PCDHGB4: variants seen among roughly 807,000 people sequenced by gnomAD.
The protein encoded by PCDHGB4 is protocadherin gamma subfamily B, 4, also known as protocadherin gamma-B4.
Under a neutral mutation model 60.5 loss-of-function variants are expected in PCDHGB4, and 38 were observed. The observed-to-expected ratio is 0.63, with a 90% CI of 0.48 to 0.82. The LOEUF (loss-of-function observed/expected upper bound fraction) is 0.82, where lower values mean the gene tolerates loss of function less well. Among genes scored for constraint, PCDHGB4 ranks in the 40% least tolerant of loss-of-function variants. The probability of loss-of-function intolerance (pLI) is 0.00; values close to 1 mark genes in which losing one functional copy is unlikely to be tolerated. For synonymous variants in PCDHGB4, 456 were observed against 509.7 expected, an observed-to-expected ratio of 0.89 and a Z score of 1.42; for missense variants, 1,109 against 1,209.6, an observed-to-expected ratio of 0.92 and a Z score of 1.23.
At position 141,476,499 on chromosome 5, in the gene PCDHGB4, T is replaced by A. The variant is rs763373223; in HGVS notation, c.2398-18308T>A. On this transcript the variant is annotated intron_variant, in intron 1 of 3. Coordinates refer to ENST00000519479, the MANE Select transcript of PCDHGB4 (RefSeq NM_003736.4). This position sits in a 1 kb window ranked among gnomAD's most constrained non-coding sequence, Gnocchi z 7.6. Reference sequence around the variant, plus strand: ...AGCGTGGAAGTGGTGATCCAGGACATCAACGACAACAATCCTGCTTTCCCT... The same window carrying A: ...AGCGTGGAAGTGGTGATCCAGGACAACAACGACAACAATCCTGCTTTCCCT... 3.1e-6 allele frequency: 5 copies of A among 1,613,992 alleles called. No individual in the cohort carries two copies. The South Asian group carries it at 5.5e-5, about 18-fold the overall frequency.
intron 1 of PCDHGB4, chr5:141,423,068 A>T: frequency 6.2e-7 from 1 of 1,614,090 alleles, no homozygotes; most frequent in Non-Finnish European, 8.5e-7. Context: ...AAGGCCAGCG[A>T]GCCGGGACTC....
At chr5:141,508,732 C>A (rs1037039751) in intron 3 of PCDHGB4, among the ~76,000 whole-genome samples, 3 of 151,880 alleles carry the variant, frequency 2.0e-5, no homozygotes, top group Non-Finnish European at 4.4e-5. Flanking sequence ...GGAGACTACA[C>A]CCCCCACCCC....
intron 1 of PCDHGB4, among the ~76,000 whole-genome samples, chr5:141,488,463 C>T (rs926068842): frequency 6.6e-6 from 1 of 152,164 alleles, no homozygotes; most frequent in African/African-American, 2.4e-5. Flanking sequence ...GATTCAGCCC[C>T]AGAAATGTTC....
intron 1 of PCDHGB4, chr5:141,424,527 A>G (rs1164206187): frequency 1.3e-5 from 2 of 152,214 alleles, no homozygotes; most frequent in African/African-American, 2.4e-5. Flanking sequence ...GTAAATCCAT[A>G]TATAGAAATA....
At position 141,388,848 on chromosome 5, in the gene PCDHGB4, G is replaced by T. The variant is rs766706887; in HGVS notation, c.964G>T (p.Gly322Cys). 6.2e-7 allele frequency: 1 copy of T among 1,613,942 alleles called. No individual in the cohort carries two copies. Among genetic ancestry groups the T allele is most frequent in the East Asian group, 2.2e-5 (1 of 44,884 alleles). The change falls in exon 1 of 4, where the codon GGT (glycine) becomes TGT (cysteine). Residue 322 changes from glycine (G) to cysteine (C), a missense_variant. Gly to Cys is a radical substitution (Grantham distance 159). Around this residue, in one of 2 missense-constraint regions of PCDHGB4, gnomAD observed 1,068 missense variants for 1,089.9 expected, o/e 0.98. Coordinates refer to ENST00000519479, the MANE Select transcript of PCDHGB4 (RefSeq NM_003736.4). ...EYSIVLEARDGGGMIAQCTVE... is the reference protein window; with the variant it reads ...EYSIVLEARDCGGMIAQCTVE... ...TTCCATAGTTTTGGAAGCAAGGGAC[G>T]GTGGAGGAATGATTGCGCAATGCAC...
chr5:141,415,866 T>A, intron 1 of PCDHGB4: 1 of 1,115,266 alleles, frequency 9.0e-7, no homozygotes, highest in Non-Finnish European at 1.2e-6. Context: ...GTTTATAGTG[T>A]TGTTGAGTAC....
At chr5:141,436,611 C>T (rs893312137) in intron 1 of PCDHGB4, among the ~76,000 whole-genome samples, 1 of 152,126 alleles carries the variant, frequency 6.6e-6, no homozygotes, top group Non-Finnish European at 1.5e-5. Context: ...CTAGGGCTAA[C>T]AAAAATCTGA....
chr5:141,504,550 G>A (rs944574179), intron 2 of PCDHGB4, among the ~76,000 whole-genome samples: 2 of 151,586 alleles, frequency 1.3e-5, no homozygotes, highest in Non-Finnish European at 2.9e-5. Context: ...GCAAATGTTG[G>A]GGGACTGGCA....
chr5:141,428,646 C>T (rs542682298), intron 1 of PCDHGB4: 7 of 170,630 alleles, frequency 4.1e-5, no homozygotes, highest in South Asian at 3.0e-4. Flanking sequence ...CTCCTACTCA[C>T]GTGAGTTCCA....
At chr5:141,441,981 C>A in intron 1 of PCDHGB4, 1 of 278,140 alleles carries the variant, frequency 3.6e-6, no homozygotes, top group South Asian at 3.6e-5. Context: ...GCCTGGAATG[C>A]GCACCGACGA....
At chr5:141,410,595 C>T (rs753833671) in intron 1 of PCDHGB4, 1 of 1,608,802 alleles carries the variant, frequency 6.2e-7, no homozygotes. Flanking sequence ...GAGGATTTGA[C>T]TTCACATCCT....
rs2154581798 is a variant in PCDHGB4, at chr5:141,489,799, G to T, written c.2398-5008G>T. 1 of 1,614,192 alleles carries T rather than the reference G, an allele frequency of 6.2e-7. No homozygotes were observed. The highest frequency in any genetic ancestry group is 2.2e-5 in the East Asian group (1 of 44,884). On this transcript the variant is annotated intron_variant, in intron 1 of 3. Coordinates refer to ENST00000519479, the MANE Select transcript of PCDHGB4 (RefSeq NM_003736.4). The surrounding 1 kb of genome is among the most constrained non-coding windows in gnomAD (Gnocchi z 4.5). Reference sequence around the variant, plus strand: ...CTCTCTGAATGTGAAGACCCTAAAAGATGGGAAGCCATTCCCAGAGCTGGT... The same window carrying T: ...CTCTCTGAATGTGAAGACCCTAAAATATGGGAAGCCATTCCCAGAGCTGGT...
chr5:141,412,219 C>T (rs549742411), intron 1 of PCDHGB4: 1 of 152,334 alleles, frequency 6.6e-6, no homozygotes, highest in African/African-American at 2.4e-5. Context: ...TAAACACTTA[C>T]TTGTTAAAAA....
intron 1 of PCDHGB4, among the ~76,000 whole-genome samples, chr5:141,460,653 GT>G (rs2098994590): frequency 6.6e-6 from 1 of 151,844 alleles, no homozygotes; most frequent in Admixed American, 6.6e-5. Context: ...TTACACATAT[GT>G]AACTGTAAAC....
chr5:141,491,450 C>G lies in PCDHGB4; in HGVS notation c.2398-3357C>G. ...CAGTGCTGCAGGCGCCAGGACTCAC[C>G]CTCCCCGGACTTCTATAAGCAGTCC... On this transcript the variant is annotated intron_variant, in intron 1 of 3. Transcript: ENST00000519479. The surrounding 1 kb of genome is among the most constrained non-coding windows in gnomAD (Gnocchi z 6.9). The G allele has an allele frequency of 1.2e-6, 2 of 1,614,110 alleles. No homozygotes were observed. Among genetic ancestry groups the G allele is most frequent in the Non-Finnish European group, 1.7e-6 (2 of 1,180,044 alleles).
chr5:141,488,980 C>A, intron 1 of PCDHGB4: 1 of 392,340 alleles, frequency 2.5e-6, no homozygotes, highest in Non-Finnish European at 4.5e-6. Flanking sequence ...CAATCAGACT[C>A]AGAGCTGAGG....
chr5:141,500,835 A>G (rs965204931), intron 2 of PCDHGB4, among the ~76,000 whole-genome samples: 13 of 152,118 alleles, frequency 8.5e-5, no homozygotes, highest in African/African-American at 3.1e-4. Context: ...TCTAATGCTA[A>G]TGGGCTTTTG....
chr5:141,431,698 ATT>A lies in PCDHGB4; in HGVS notation c.2397+41418_2397+41419del. The A allele has an allele frequency of 6.2e-7, 1 of 1,614,222 alleles. No homozygotes were observed. Among genetic ancestry groups the A allele is most frequent in the South Asian group, 1.1e-5 (1 of 91,090 alleles). ...GGGAGTTGGACCACGAGGAGTCAGG[ATT>A]CTACCAGATGGAAGTGCAAGCAATG... On this transcript the variant is annotated intron_variant, in intron 1 of 3. Transcript: ENST00000519479. The surrounding 1 kb of genome is among the most constrained non-coding windows in gnomAD (Gnocchi z 4.8).
chr5:141,483,764 A>G (rs1170910094), intron 1 of PCDHGB4, among the ~76,000 whole-genome samples: 1 of 152,104 alleles, frequency 6.6e-6, no homozygotes, highest in East Asian at 1.9e-4. Context: ...AGGCTTGGAA[A>G]AATATTGGGG....
Sources: gnomAD v4.1 joint callset for allele counts (sites outside exome capture counted in the v4.1 genomes callset) on GRCh38, gnomAD v4.1.1 for gene constraint, gnomAD v4.1.1 regional missense constraint, Gnocchi (gnomAD v3.1) non-coding constraint, MANE v1.5 for transcripts, NCBI Gene and HGNC (gene_info 2026-07-23, HGNC 2026-07-21) for gene names.